APOO: variants seen among roughly 807,000 people sequenced by gnomAD.
The protein encoded by APOO is apolipoprotein O.
In APOO, 11 loss-of-function variants were observed where a neutral mutation model predicts 23.1. The observed-to-expected ratio is 0.48, with a 90% CI of 0.30 to 0.79. APOO has a LOEUF of 0.79. APOO is among the 30% of genes least tolerant of loss of function. The probability of loss-of-function intolerance (pLI) is 0.07; values close to 1 mark genes in which losing one functional copy is unlikely to be tolerated. For missense variants in APOO, 160 were observed against 142.7 expected, an observed-to-expected ratio of 1.12 and a Z score of -0.62; for synonymous variants, 59 against 54.8, an observed-to-expected ratio of 1.08 and a Z score of -0.34.
chrX:23,840,078 T>C (rs1410178353), intron 8 of APOO: 1 of 231,492 alleles, frequency 4.3e-6, no homozygotes. Context: ...AATACATTTG[T>C]AGACAAATCC....
chrX:23,877,431 A>G (rs1925908132), intron 3 of APOO, among the ~76,000 whole-genome samples: 1 of 112,323 alleles, frequency 8.9e-6, no homozygotes, highest in Admixed American at 9.5e-5. Context: ...AAAGTTCAAC[A>G]GCAGCATAGG....
At chrX:23,881,449 G>A (rs539677544) in intron 1 of APOO, among the ~76,000 whole-genome samples, 10 of 105,185 alleles carry the variant, frequency 9.5e-5, no homozygotes, top group African/African-American at 3.1e-4. Context: ...TCAGGAGACT[G>A]AGGTGGGAGA....
chrX:23,847,207 A>G (rs1159869798), intron 7 of APOO, among the ~76,000 whole-genome samples: 1 of 112,210 alleles, frequency 8.9e-6, no homozygotes, highest in Non-Finnish European at 1.9e-5. Flanking sequence ...CTCAGAGCCA[A>G]CTTCCACTAG....
At chrX:23,888,151 T>C (rs1926455530) in intron 1 of APOO, among the ~76,000 whole-genome samples, 1 of 112,193 alleles carries the variant, frequency 8.9e-6, no homozygotes, top group African/African-American at 3.2e-5. Context: ...TCTCTATGTC[T>C]CAAAACTTTT....
chrX:23,893,274 A>AC (rs1357729980), intron 1 of APOO, among the ~76,000 whole-genome samples: 1 of 107,566 alleles, frequency 9.3e-6, no homozygotes, highest in East Asian at 3.0e-4. Flanking sequence ...AAAAAAAAAA[A>AC]ACAAAACATT....
At chrX:23,885,415 A>G (rs191141227) in intron 1 of APOO, among the ~76,000 whole-genome samples, 4 of 105,632 alleles carry the variant, frequency 3.8e-5, no homozygotes, top group African/African-American at 1.0e-4. Context: ...ATATATAACT[A>G]TATCTATACA....
At chrX:23,874,552 TATC>T in intron 3 of APOO, 95 bp from the exon 4 acceptor site, 1 of 747,124 alleles carries the variant, frequency 1.3e-6, no homozygotes, top group Non-Finnish European at 2.1e-6. Context: ...CTGAATAAAT[TATC>T]ATGTTATTAA....
At chrX:23,848,950 G>T (rs1924391151) in intron 7 of APOO, among the ~76,000 whole-genome samples, 1 of 103,430 alleles carries the variant, frequency 9.7e-6, no homozygotes, top group Non-Finnish European at 2.0e-5. Flanking sequence ...TCCGCCTCCT[G>T]GGTTCACGCC....
At chrX:23,835,366 T>C (rs1444696943) in intron 8 of APOO, among the ~76,000 whole-genome samples, 1 of 111,767 alleles carries the variant, frequency 8.9e-6, no homozygotes, top group African/African-American at 3.2e-5. Flanking sequence ...CCCGGCACAA[T>C]TGGAGATTTC....
intron 1 of APOO, among the ~76,000 whole-genome samples, chrX:23,906,891 T>C (rs930370457): frequency 8.9e-6 from 1 of 112,109 alleles, no homozygotes; most frequent in Non-Finnish European, 1.9e-5. Flanking sequence ...CCAAAGCACA[T>C]TGCAGAGCTC....
intron 5 of APOO, among the ~76,000 whole-genome samples, chrX:23,862,966 G>A (rs1167369152): frequency 1.0e-5 from 1 of 99,689 alleles, no homozygotes; most frequent in Non-Finnish European, 2.0e-5. Context: ...AAGGAGGGAG[G>A]GAGGGAGGAA....
intron 5 of APOO, among the ~76,000 whole-genome samples, chrX:23,862,477 C>G (rs1447925897): frequency 1.8e-5 from 2 of 109,820 alleles, no homozygotes; most frequent in Non-Finnish European, 3.8e-5. Context: ...AGTAAATTTT[C>G]AAAGATACAC....
chrX:23,841,758 C>A (rs1206122075), intron 7 of APOO, among the ~76,000 whole-genome samples: 1 of 110,279 alleles, frequency 9.1e-6, no homozygotes, highest in African/African-American at 3.3e-5. Context: ...CATATGTGAA[C>A]ACACACCCAC....
intron 1 of APOO, among the ~76,000 whole-genome samples, chrX:23,882,202 G>A (rs1442297701): frequency 8.9e-6 from 1 of 111,839 alleles, no homozygotes; most frequent in Non-Finnish European, 1.9e-5. Context: ...ACTTCAAGAT[G>A]TATCAATTGT....
intron 1 of APOO, among the ~76,000 whole-genome samples, chrX:23,900,942 GA>G (rs965497938): frequency 1.8e-5 from 2 of 111,168 alleles, no homozygotes; most frequent in Non-Finnish European, 3.8e-5. Flanking sequence ...AACTGTTAGG[GA>G]AAAAAAACCT....
At chrX:23,852,756 G>A (rs1161239792) in intron 7 of APOO, among the ~76,000 whole-genome samples, 1 of 111,065 alleles carries the variant, frequency 9.0e-6, no homozygotes, top group African/African-American at 3.3e-5. Flanking sequence ...ATGAAGACAA[G>A]ATATCTTCAT....
At chrX:23,835,865 A>C (rs1207851964) in intron 8 of APOO, among the ~76,000 whole-genome samples, 1 of 112,358 alleles carries the variant, frequency 8.9e-6, no homozygotes, top group Non-Finnish European at 1.9e-5. Flanking sequence ...GAACATGAGA[A>C]ATTCTTTTTT....
At chrX:23,878,332 C>T (rs958759252) in intron 3 of APOO, among the ~76,000 whole-genome samples, 3 of 112,105 alleles carry the variant, frequency 2.7e-5, no homozygotes, top group East Asian at 2.8e-4. Flanking sequence ...TAAGGCGTTA[C>T]GCACTGCCCA....
intron 1 of APOO, among the ~76,000 whole-genome samples, chrX:23,886,621 A>G (rs764198306): frequency 9.9e-5 from 11 of 111,408 alleles, no homozygotes; most frequent in African/African-American, 3.3e-4. Context: ...AGCCTTGGTA[A>G]AAGGTCCCCA....
Sources: gnomAD v4.1 joint callset for allele counts (sites outside exome capture counted in the v4.1 genomes callset) on GRCh38, gnomAD v4.1.1 for gene constraint, MANE v1.5 for transcripts, NCBI Gene and HGNC (gene_info 2026-07-23, HGNC 2026-07-21) for gene names.